Variants in IL1RAPL2 observed in about 807,000 individuals in gnomAD.
The protein encoded by IL1RAPL2 is interleukin 1 receptor accessory protein like 2, also known as X-linked interleukin-1 receptor accessory protein-like 2.
Under a neutral mutation model 44.1 loss-of-function variants are expected in IL1RAPL2, and 3 were observed. The ratio of observed to expected loss-of-function variants is 0.07; its 90% CI spans 0.03 to 0.18. The LOEUF is 0.18. Among genes scored for constraint, IL1RAPL2 ranks in the 10% least tolerant of loss-of-function variants. The pLI, the probability that IL1RAPL2 is intolerant of heterozygous loss-of-function variation, is 1.00. For missense variants in IL1RAPL2, 391 were observed against 496.4 expected, an observed-to-expected ratio of 0.79 and a Z score of 2.02; for synonymous variants, 181 against 178.8, an observed-to-expected ratio of 1.01 and a Z score of -0.10.
chrX:104,897,111 G>A (rs1923674886), intron 2 of IL1RAPL2, among the ~76,000 whole-genome samples: 1 of 112,021 alleles, frequency 8.9e-6, no homozygotes, highest in Non-Finnish European at 1.9e-5. Context: ...CCCACTGGAA[G>A]GAACGAATTC....
At chrX:105,677,805 GT>G (rs2037885373) in intron 6 of IL1RAPL2, among the ~76,000 whole-genome samples, 1 of 111,614 alleles carries the variant, frequency 9.0e-6, no homozygotes, top group Non-Finnish European at 1.9e-5. Flanking sequence ...GGCCAAAATT[GT>G]CCCTAGTATG....
chrX:104,997,214 A>T (rs2030764498), intron 2 of IL1RAPL2, among the ~76,000 whole-genome samples: 1 of 112,155 alleles, frequency 8.9e-6, no homozygotes, highest in Non-Finnish European at 1.9e-5. Context: ...CATGTACCAA[A>T]GATTTAGTAT....
At chrX:105,041,879 A>T (rs1019692063) in intron 2 of IL1RAPL2, among the ~76,000 whole-genome samples, 1 of 111,066 alleles carries the variant, frequency 9.0e-6, no homozygotes, top group African/African-American at 3.3e-5. Flanking sequence ...CAAAACAGAG[A>T]TGTAGATCAA....
Position 105,255,046 on chromosome X carries a change from T to G in IL1RAPL2, c.544-12342T>G, listed in dbSNP as rs758302175. Among the ~76,000 whole-genome samples, 16 of 111,813 alleles carry G rather than the reference T, an allele frequency of 1.4e-4. No individual in the cohort carries two copies. In the South Asian group the frequency reaches 6.0e-3, roughly 42 times the overall value. Reference sequence around the variant, plus strand: ...GCCTTGTCTATTTGGGCTGGGCTCTTTTTTGGTTCCTTATGAATTTCAAGT... The same window carrying G: ...GCCTTGTCTATTTGGGCTGGGCTCTGTTTTGGTTCCTTATGAATTTCAAGT... On this transcript the variant is annotated intron_variant, in intron 4 of 10. Coordinates refer to ENST00000372582, the MANE Select transcript of IL1RAPL2 (RefSeq NM_017416.2).
chrX:105,349,212 A>G (rs929490466), intron 5 of IL1RAPL2, among the ~76,000 whole-genome samples: 2 of 111,979 alleles, frequency 1.8e-5, no homozygotes, highest in African/African-American at 6.5e-5. Context: ...TGTCCACAGC[A>G]CTGTGGTTTG....
intron 1 of IL1RAPL2, among the ~76,000 whole-genome samples, chrX:104,586,885 C>T (rs1439886451): frequency 9.0e-6 from 1 of 111,583 alleles, no homozygotes; most frequent in Non-Finnish European, 1.9e-5. Flanking sequence ...GACTAAGAAC[C>T]TTGTGCACCT....
At chrX:104,634,582 C>T (rs976355400) in intron 1 of IL1RAPL2, among the ~76,000 whole-genome samples, 2 of 111,716 alleles carry the variant, frequency 1.8e-5, no homozygotes, top group African/African-American at 6.5e-5. Context: ...TGAATTGATC[C>T]CTTTACCATT....
At chrX:105,383,795 C>T (rs1481779886) in intron 5 of IL1RAPL2, among the ~76,000 whole-genome samples, 7 of 111,797 alleles carry the variant, frequency 6.3e-5, no homozygotes, top group East Asian at 2.8e-4. Context: ...TTTATAAAGC[C>T]CATTTTAACT....
At chrX:104,714,433 G>C (rs1931518154) in intron 2 of IL1RAPL2, among the ~76,000 whole-genome samples, 1 of 110,648 alleles carries the variant, frequency 9.0e-6, no homozygotes, top group Non-Finnish European at 1.9e-5. Flanking sequence ...TAATGAGTGA[G>C]TTCTCAGGAG....
chrX:104,674,529 A>G (rs1044137455), intron 2 of IL1RAPL2, among the ~76,000 whole-genome samples: 1 of 111,875 alleles, frequency 8.9e-6, no homozygotes, highest in Non-Finnish European at 1.9e-5. Flanking sequence ...TTGCTTCAAT[A>G]TTCATCAAGG....
chrX:105,598,191 G>A (rs2037225661), intron 6 of IL1RAPL2, among the ~76,000 whole-genome samples: 1 of 110,624 alleles, frequency 9.0e-6, no homozygotes, highest in South Asian at 3.9e-4. Context: ...ATTATATTAA[G>A]CAAAATAAGC....
At chrX:105,311,195 C>T (rs1454376606) in intron 5 of IL1RAPL2, among the ~76,000 whole-genome samples, 1 of 111,279 alleles carries the variant, frequency 9.0e-6, no homozygotes, top group Admixed American at 9.6e-5. Flanking sequence ...AAAAATGTAT[C>T]TCTTATAGAC....
chrX:105,203,027 C>T (rs1439454293), intron 3 of IL1RAPL2, among the ~76,000 whole-genome samples: 2 of 111,319 alleles, frequency 1.8e-5, no homozygotes, highest in Non-Finnish European at 3.8e-5. Flanking sequence ...TATCTCCTCC[C>T]CCTTGCTTCC....
At chrX:104,815,826 C>T (rs1053089605) in intron 2 of IL1RAPL2, among the ~76,000 whole-genome samples, 3 of 82,819 alleles carry the variant, frequency 3.6e-5, no homozygotes, top group Admixed American at 1.4e-4. Context: ...ACACATTCCA[C>T]CCCCCTCATT....
chrX:104,590,557 A>G (rs182635324), intron 1 of IL1RAPL2, among the ~76,000 whole-genome samples: 1 of 111,661 alleles, frequency 9.0e-6, no homozygotes, highest in African/African-American at 3.3e-5. Context: ...GGTACCAACA[A>G]CACTCAGGAA....
intron 5 of IL1RAPL2, among the ~76,000 whole-genome samples, chrX:105,323,584 A>G (rs1449960928): frequency 8.9e-6 from 1 of 111,932 alleles, no homozygotes; most frequent in African/African-American, 3.2e-5. Context: ...TGGGTCAAAA[A>G]TAAGCTCTCA....
At chrX:104,893,049 C>G (rs930758852) in intron 2 of IL1RAPL2, among the ~76,000 whole-genome samples, 6 of 111,650 alleles carry the variant, frequency 5.4e-5, no homozygotes, top group African/African-American at 1.6e-4. Flanking sequence ...CGTTACGTAC[C>G]CAGTAGTCAT....
chrX:105,104,313 G>A lies in IL1RAPL2; in HGVS notation c.83-91162G>A, dbSNP rs2032709611. Among the ~76,000 whole-genome samples, 7 of 111,627 alleles carry A rather than the reference G, an allele frequency of 6.3e-5. No homozygotes were observed. In the Admixed American group the frequency reaches 6.7e-4, roughly 11 times the overall value. Reference sequence around the variant, plus strand: ...TTCAGAAAAAAACACTAGTGACGAAGCTTTATAGCAGATGTTGGGGGTGGA... The same window carrying A: ...TTCAGAAAAAAACACTAGTGACGAAACTTTATAGCAGATGTTGGGGGTGGA... On this transcript the variant is annotated intron_variant, in intron 2 of 10. Coordinates refer to ENST00000372582, the MANE Select transcript of IL1RAPL2 (RefSeq NM_017416.2).
chrX:105,475,897 A>G (rs1012214202), intron 5 of IL1RAPL2, among the ~76,000 whole-genome samples: 2 of 112,152 alleles, frequency 1.8e-5, no homozygotes, highest in Non-Finnish European at 3.8e-5. Context: ...AAGCTCATGC[A>G]CTGCTCAAAA....
Sources: allele counts gnomAD v4.1 joint callset (sites outside exome capture counted in the v4.1 genomes callset), GRCh38; gene constraint gnomAD v4.1.1; transcripts MANE v1.5; gene names NCBI Gene and HGNC (gene_info 2026-07-23, HGNC 2026-07-21).